FAM13C: variants seen among roughly 807,000 people sequenced by gnomAD.
FAM13C encodes the protein protein FAM13C.
In FAM13C, 37 loss-of-function variants were observed where a neutral mutation model predicts 73.2. The ratio of observed to expected loss-of-function variants is 0.51; its 90% CI spans 0.39 to 0.67. The LOEUF (loss-of-function observed/expected upper bound fraction) is 0.67, where lower values mean the gene tolerates loss of function less well. FAM13C is among the 30% of genes least tolerant of loss of function. The pLI is 0.00. For synonymous variants in FAM13C, 246 were observed against 260.9 expected, an observed-to-expected ratio of 0.94 and a Z score of 0.55; for missense variants, 589 against 715.6, an observed-to-expected ratio of 0.82 and a Z score of 2.02.
At chr10:59,270,130 A>G in intron 6 of FAM13C, 21 bp from the exon 7 acceptor site, 1 of 1,608,328 alleles carries the variant, frequency 6.2e-7, no homozygotes, top group Non-Finnish European at 8.5e-7. Context: ...GAGACAAATC[A>G]TCAAGACTTA....
At chr10:59,285,149 A>G (rs905659861) in intron 5 of FAM13C, among the ~76,000 whole-genome samples, 2 of 152,154 alleles carry the variant, frequency 1.3e-5, no homozygotes, top group African/African-American at 4.8e-5. Context: ...CCATGCCTGG[A>G]GATGGGGTGG....
intron 6 of FAM13C, among the ~76,000 whole-genome samples, chr10:59,278,352 T>A (rs1011582870): frequency 1.3e-5 from 2 of 152,186 alleles, no homozygotes; most frequent in African/African-American, 4.8e-5. Context: ...TTGTGCAGAA[T>A]AAGAAAATCC....
chr10:59,314,708 G>A (rs1849322542), intron 4 of FAM13C, among the ~76,000 whole-genome samples: 1 of 152,074 alleles, frequency 6.6e-6, no homozygotes, highest in African/African-American at 2.4e-5. Flanking sequence ...ACTTAAATGG[G>A]TCTTGATATT....
intron 4 of FAM13C, among the ~76,000 whole-genome samples, chr10:59,314,846 G>A (rs530960807): frequency 1.2e-3 from 183 of 152,228 alleles, no homozygotes; most frequent in African/African-American, 4.3e-3. Flanking sequence ...GGCAAATGCT[G>A]AAGAAAAGAG....
chr10:59,323,938 T>G, intron 4 of FAM13C, 50 bp downstream of exon 4: 1 of 1,517,600 alleles, frequency 6.6e-7, no homozygotes, highest in Non-Finnish European at 9.2e-7. Context: ...ACAGCATTTC[T>G]GAGAAAGGAA....
At position 59,257,656 on chromosome 10, in the gene FAM13C, T is replaced by C. The variant is rs185465273; in HGVS notation, c.1237-3213A>G. Among the ~76,000 whole-genome samples, 132 of 152,280 alleles carry C rather than the reference T, an allele frequency of 8.7e-4. 3 individuals are homozygous for C. Among genetic ancestry groups the C allele is most frequent in the Non-Finnish European group, 1.3e-3 (91 of 68,022 alleles). On this transcript the variant is annotated intron_variant, in intron 10 of 13. Coordinates refer to ENST00000618804, the MANE Select transcript of FAM13C (RefSeq NM_198215.4). The stretch of plus-strand genomic sequence containing the variant: ...CATCCCCTTATTGAGGGAGACACTA[T>C]ATGCAGGCAAGTCTGACCATTTAAA...
chr10:59,309,606 A>T (rs1848690812), intron 4 of FAM13C, among the ~76,000 whole-genome samples: 1 of 152,172 alleles, frequency 6.6e-6, no homozygotes, highest in South Asian at 2.1e-4. Flanking sequence ...TAACTCATTC[A>T]TACTTTAGAT....
intron 1 of FAM13C, among the ~76,000 whole-genome samples, chr10:59,359,737 G>A (rs1471911005): frequency 1.3e-5 from 2 of 152,180 alleles, no homozygotes; most frequent in African/African-American, 4.8e-5. Flanking sequence ...GCACTGTCCT[G>A]ACACCAATAC....
intron 3 of FAM13C, among the ~76,000 whole-genome samples, chr10:59,336,762 T>G (rs1852775614): frequency 6.6e-6 from 1 of 152,230 alleles, no homozygotes; most frequent in Non-Finnish European, 1.5e-5. Flanking sequence ...AAACTCCCTC[T>G]TATGGTAAAA....
intron 8 of FAM13C, among the ~76,000 whole-genome samples, chr10:59,268,226 A>AAAGAAG (rs61116802): frequency 2.1e-4 from 32 of 151,208 alleles, no homozygotes; most frequent in African/African-American, 6.1e-4. Flanking sequence ...GAAAAAAGAA[A>AAAGAAG]AAGAAGAAGA....
chr10:59,314,964 T>C (rs921353368), intron 4 of FAM13C, among the ~76,000 whole-genome samples: 2 of 152,210 alleles, frequency 1.3e-5, no homozygotes, highest in African/African-American at 2.4e-5. Context: ...GCTGTAAGTG[T>C]CACTGAAAAT....
intron 5 of FAM13C, among the ~76,000 whole-genome samples, chr10:59,291,858 G>T (rs539986060): frequency 1.1e-4 from 15 of 140,164 alleles, no homozygotes; most frequent in South Asian, 6.8e-4. Context: ...GTGTGATCTC[G>T]GCTCACTGCA....
chr10:59,316,814 A>T (rs1849585056), intron 4 of FAM13C, among the ~76,000 whole-genome samples: 1 of 152,228 alleles, frequency 6.6e-6, no homozygotes, highest in African/African-American at 2.4e-5. Flanking sequence ...TTTTACAGCC[A>T]TTACGTATGT....
At chr10:59,356,913 TGAG>T (rs1273002691) in intron 1 of FAM13C, among the ~76,000 whole-genome samples, 10 of 152,226 alleles carry the variant, frequency 6.6e-5, no homozygotes, top group Non-Finnish European at 1.2e-4. Flanking sequence ...ACAGACTTGC[TGAG>T]CCATCTGGCC....
At chr10:59,259,221 T>C (rs981052378) in intron 10 of FAM13C, among the ~76,000 whole-genome samples, 3 of 152,134 alleles carry the variant, frequency 2.0e-5, no homozygotes, top group African/African-American at 7.2e-5. Context: ...TGCTATAGGA[T>C]TTATCAGCCT....
chr10:59,338,537 C>A (rs1014743176), intron 3 of FAM13C, among the ~76,000 whole-genome samples: 1 of 152,222 alleles, frequency 6.6e-6, no homozygotes, highest in East Asian at 1.9e-4. Context: ...AAAGCGTCAA[C>A]TACATTTATG....
intron 5 of FAM13C, among the ~76,000 whole-genome samples, chr10:59,293,125 G>C (rs776123973): frequency 1.9e-4 from 27 of 144,672 alleles, no homozygotes; most frequent in Non-Finnish European, 3.6e-4. Context: ...CCAGGATGGA[G>C]TGCAGTGGTG....
At chr10:59,288,747 T>C (rs1297574627) in intron 5 of FAM13C, among the ~76,000 whole-genome samples, 1 of 152,124 alleles carries the variant, frequency 6.6e-6, no homozygotes, top group Non-Finnish European at 1.5e-5. Flanking sequence ...CAAACTGTTA[T>C]AAATGGAGGA....
chr10:59,327,085 C>T lies in FAM13C; in HGVS notation c.325-2979G>A, dbSNP rs571756407. 4.6e-5 allele frequency among the ~76,000 whole-genome samples: 7 copies of T among 152,038 alleles called. No individual in the cohort carries two copies. In the South Asian group the frequency reaches 1.5e-3, roughly 32 times the overall value. ...AGGTGAAATTTTGAACAGATGTGTG[C>T]ATTGGCATTAAGGAACGACAGAGCA... On this transcript the variant is annotated intron_variant, in intron 3 of 13. Transcript: ENST00000618804.
Sources: gnomAD v4.1 joint callset for allele counts (sites outside exome capture counted in the v4.1 genomes callset) on GRCh38, gnomAD v4.1.1 for gene constraint, MANE v1.5 for transcripts, NCBI Gene and HGNC (gene_info 2026-07-23, HGNC 2026-07-21) for gene names.